TMCO5A: variants seen among roughly 807,000 people sequenced by gnomAD.
The protein encoded by TMCO5A is transmembrane and coiled-coil domains 5A, also known as transmembrane and coiled-coil domain-containing protein 5A.
TMCO5A carries 34 observed loss-of-function variants against 42.3 expected under a neutral mutation model. The ratio of observed to expected loss-of-function variants is 0.80; its 90% CI spans 0.61 to 1.07. TMCO5A has a LOEUF of 1.07. TMCO5A is among the 50% of genes least tolerant of loss of function. TMCO5A has a pLI of 0.00. For missense variants in TMCO5A, 357 were observed against 327.9 expected (o/e 1.09, Z -0.69); for synonymous variants, 131 against 115.6 (o/e 1.13, Z -0.86).
chr15:38,015,694 C>A, the TMCO5A span, among the ~76,000 whole-genome samples: 1 of 152,124 alleles, frequency 6.6e-6, no homozygotes, highest in Middle Eastern at 3.2e-3. Flanking sequence ...AACTATGGTA[C>A]ATCCAGACAA....
chr15:37,972,869 A>G, the TMCO5A span, among the ~76,000 whole-genome samples: 5 of 152,272 alleles, frequency 3.3e-5, no homozygotes, highest in African/African-American at 1.2e-4. Flanking sequence ...TATGTCTACA[A>G]TGACTTTTTT....
chr15:37,964,674 C>A (rs1043485799), intron 11 of TMCO5A, among the ~76,000 whole-genome samples: 1 of 151,868 alleles, frequency 6.6e-6, no homozygotes, highest in East Asian at 1.9e-4. Context: ...ATCATAGCCA[C>A]AAATAAAATT....
the TMCO5A span, among the ~76,000 whole-genome samples, chr15:38,037,352 G>T: frequency 4.6e-5 from 7 of 152,304 alleles, no homozygotes; most frequent in East Asian, 1.3e-3. Flanking sequence ...TTGTACAATT[G>T]ATAGCTGTAA....
chr15:37,996,013 G>A, the TMCO5A span, among the ~76,000 whole-genome samples: 60 of 152,318 alleles, frequency 3.9e-4, no homozygotes, highest in African/African-American at 1.4e-3. Context: ...CACTTACCTA[G>A]GGGGACGTTA....
chr15:37,966,982 G>A (rs1055728726), exon 12 of TMCO5A: 10 of 324,168 alleles, frequency 3.1e-5, no homozygotes, highest in East Asian at 2.8e-4. Context: ...TGCTGGACAC[G>A]CAAAAGCAGA....
intron 2 of TMCO5A, 78 bp from the exon 3 acceptor site, chr15:37,936,236 C>G: frequency 6.6e-7 from 1 of 1,510,478 alleles, no homozygotes; most frequent in Admixed American, 2.2e-5. Context: ...TAGATGTGTT[C>G]TAAATACCCT....
chr15:38,004,651 C>T, the TMCO5A span: 7 of 152,212 alleles, frequency 4.6e-5, no homozygotes, highest in African/African-American at 1.7e-4. Context: ...CTGTTGCTTT[C>T]CACTGTGATA....
the TMCO5A span, among the ~76,000 whole-genome samples, chr15:37,993,645 T>C: frequency 6.6e-6 from 1 of 152,164 alleles, no homozygotes; most frequent in Non-Finnish European, 1.5e-5. Flanking sequence ...CTCTGAAAGT[T>C]AATTCAGCTT....
chr15:38,021,488 C>T, the TMCO5A span, among the ~76,000 whole-genome samples: 1 of 151,994 alleles, frequency 6.6e-6, no homozygotes, highest in African/African-American at 2.4e-5. Context: ...TTAGAAGTGA[C>T]CCCCATTGCT....
intron 11 of TMCO5A, among the ~76,000 whole-genome samples, chr15:37,960,983 T>C (rs949611203): frequency 2.7e-5 from 4 of 150,354 alleles, no homozygotes; most frequent in African/African-American, 9.8e-5. Flanking sequence ...TCTGCCACTC[T>C]GTGGACTGTC....
chr15:38,003,224 CT>C, the TMCO5A span, among the ~76,000 whole-genome samples: 1 of 3,828 alleles, frequency 2.6e-4, no homozygotes, highest in African/African-American at 2.8e-4. Flanking sequence ...CAAACAGAGT[CT>C]CTCTCTCTCT....
chr15:37,984,681 CTTTTTTTTTTTT>C, the TMCO5A span: 153 of 41,880 alleles, frequency 3.7e-3, 2 homozygotes, highest in African/African-American at 0.015. Flanking sequence ...GAACATTTGT[CTTTTTTTTTTTT>C]TTTTTTTTTT....
chr15:37,995,576 G>A, the TMCO5A span, among the ~76,000 whole-genome samples: 298 of 152,266 alleles, frequency 2.0e-3, 2 homozygotes, highest in African/African-American at 6.8e-3. Flanking sequence ...GAGCCCAGTG[G>A]CTAATCCCAA....
the TMCO5A span, among the ~76,000 whole-genome samples, chr15:37,998,894 C>CT: frequency 7.7e-3 from 1,174 of 151,924 alleles, 15 homozygotes; most frequent in African/African-American, 0.027. Flanking sequence ...TTATAGTTTT[C>CT]TTTTTTTGTT....
At chr15:37,970,717 T>C (rs1890657449), downstream of TMCO5A, among the ~76,000 whole-genome samples, 1 of 152,184 alleles carries the variant, frequency 6.6e-6, no homozygotes, top group Non-Finnish European at 1.5e-5. Context: ...CCATTCCAAA[T>C]GGGAGAAATT....
the TMCO5A span, among the ~76,000 whole-genome samples, chr15:37,995,518 C>A: frequency 6.6e-6 from 1 of 152,256 alleles, no homozygotes; most frequent in African/African-American, 2.4e-5. Flanking sequence ...GCCTCAGTAA[C>A]AGGCCTTGGC....
At chr15:37,972,738 T>C in the TMCO5A span, among the ~76,000 whole-genome samples, 2 of 152,248 alleles carry the variant, frequency 1.3e-5, no homozygotes, top group South Asian at 4.1e-4. Flanking sequence ...GGCTGTTTAC[T>C]CTGTTGATAA....
chr15:38,029,513 T>C, the TMCO5A span, among the ~76,000 whole-genome samples: 1 of 152,066 alleles, frequency 6.6e-6, no homozygotes. Flanking sequence ...CAGGCTGAAA[T>C]GCAGTGGCAC....
chr15:37,978,839 C>A, the TMCO5A span, among the ~76,000 whole-genome samples: 1 of 151,996 alleles, frequency 6.6e-6, no homozygotes, highest in Non-Finnish European at 1.5e-5. Flanking sequence ...GGAAGCATGG[C>A]GGCATCTGCT....
Sources: gnomAD v4.1 joint callset for allele counts (sites outside exome capture counted in the v4.1 genomes callset) on GRCh38, gnomAD v4.1.1 for gene constraint, MANE v1.5 for transcripts, NCBI Gene and HGNC (gene_info 2026-07-23, HGNC 2026-07-21) for gene names.